Variants in PRKG1 observed in about 807,000 individuals in gnomAD.
PRKG1 encodes the protein cGMP-dependent protein kinase 1.
In PRKG1, 35 loss-of-function variants were observed where a neutral mutation model predicts 88.1. The observed-to-expected ratio is 0.40, with a 90% CI of 0.30 to 0.53. The LOEUF (loss-of-function observed/expected upper bound fraction) is 0.53, where lower values mean the gene tolerates loss of function less well. Among genes scored for constraint, PRKG1 ranks in the 20% least tolerant of loss-of-function variants. PRKG1 has a pLI of 0.59. For missense variants in PRKG1, 540 were observed against 839.8 expected (o/e 0.64, Z 4.41); for synonymous variants, 303 against 292.5 (o/e 1.04, Z -0.37).
intron 5 of PRKG1, among the ~76,000 whole-genome samples, chr10:52,028,277 C>T (rs995220159): frequency 6.6e-6 from 1 of 152,146 alleles, no homozygotes; most frequent in African/African-American, 2.4e-5. Context: ...ATGTGTACAG[C>T]TCCTATCTGC....
chr10:52,139,422 A>G (rs1400110117), intron 8 of PRKG1, among the ~76,000 whole-genome samples: 1 of 151,772 alleles, frequency 6.6e-6, no homozygotes, highest in Non-Finnish European at 1.5e-5. Flanking sequence ...TCTCTATCTC[A>G]ATCTCCTCCC....
In PRKG1 at chr10:51,173,841, A is replaced by T. The variant is rs891891598; in HGVS notation, c.478+20511A>T. Among the ~76,000 whole-genome samples, 17 of 152,060 alleles carry T rather than the reference A, an allele frequency of 1.1e-4. No homozygotes were observed. The East Asian group carries it at 3.1e-3, about 28-fold the overall frequency. On this transcript the variant is annotated intron_variant, in intron 2 of 17. Coordinates refer to ENST00000373980, the MANE Select transcript of PRKG1 (RefSeq NM_006258.4). ...CAGGCTGTATGTCATAAAAAATTTG[A>T]AAGAACTGGATTTCATAAAACCTTT...
intron 3 of PRKG1, among the ~76,000 whole-genome samples, chr10:51,737,315 A>G (rs1230742351): frequency 2.6e-5 from 4 of 152,188 alleles, no homozygotes; most frequent in Non-Finnish European, 4.4e-5. Context: ...CTTACCGTTC[A>G]TGGTATGATT....
intron 1 of PRKG1, among the ~76,000 whole-genome samples, chr10:51,138,982 A>C (rs906129267): frequency 6.6e-6 from 1 of 152,028 alleles, no homozygotes; most frequent in East Asian, 1.9e-4. Context: ...CCGCCCGGCC[A>C]CATTTTTTGA....
intron 12 of PRKG1, among the ~76,000 whole-genome samples, chr10:52,273,648 C>G (rs1841791877): frequency 6.6e-6 from 1 of 151,908 alleles, no homozygotes; most frequent in Non-Finnish European, 1.5e-5. Flanking sequence ...TTCTTGTTAC[C>G]ACATTGTATC....
At chr10:51,366,699 CAT>C (rs1175465373) in intron 2 of PRKG1, among the ~76,000 whole-genome samples, 3 of 151,870 alleles carry the variant, frequency 2.0e-5, no homozygotes, top group African/African-American at 7.2e-5. Context: ...GTTATACATC[CAT>C]ATATATCCTT....
intron 3 of PRKG1, among the ~76,000 whole-genome samples, chr10:51,770,061 T>G: frequency 6.6e-6 from 1 of 152,174 alleles, no homozygotes; most frequent in East Asian, 1.9e-4. Context: ...AAATGCCTCT[T>G]AAAATATCAC....
At chr10:51,422,919 T>G (rs1054849882) in intron 2 of PRKG1, among the ~76,000 whole-genome samples, 1 of 151,992 alleles carries the variant, frequency 6.6e-6, no homozygotes, top group Non-Finnish European at 1.5e-5. Context: ...AGAGTGAAGA[T>G]GTTTTTACAA....
rs184971714 is a variant in PRKG1, at chr10:52,060,866, T to C, written c.841-1671T>C. ...AGAATGTTCACAGTAACACAGTTAATAGCACCATAAAAACAAAGTATAACA... is the reference window on the plus strand; with the variant it reads ...AGAATGTTCACAGTAACACAGTTAACAGCACCATAAAAACAAAGTATAACA... On this transcript the variant is annotated intron_variant, in intron 6 of 17. Coordinates refer to ENST00000373980, the MANE Select transcript of PRKG1 (RefSeq NM_006258.4). 2.3e-3 allele frequency among the ~76,000 whole-genome samples: 357 copies of C among 152,050 alleles called. 3 individuals are homozygous for C. Among genetic ancestry groups the C allele is most frequent in the Middle Eastern group, 0.017 (5 of 294 alleles).
chr10:51,967,665 T>C (rs947914151), intron 5 of PRKG1, among the ~76,000 whole-genome samples: 9 of 152,176 alleles, frequency 5.9e-5, no homozygotes, highest in Non-Finnish European at 1.0e-4. Context: ...TATTGTTGAC[T>C]TCACAGCCTT....
chr10:51,261,259 A>G (rs1008619694), intron 2 of PRKG1, among the ~76,000 whole-genome samples: 1 of 152,206 alleles, frequency 6.6e-6, no homozygotes. Flanking sequence ...CTTTTGTTAC[A>G]TTTGGAAAAT....
chr10:51,965,778 C>G (rs1843553410), intron 5 of PRKG1, among the ~76,000 whole-genome samples: 1 of 152,092 alleles, frequency 6.6e-6, no homozygotes, highest in Non-Finnish European at 1.5e-5. Context: ...GCAGTCTGTT[C>G]TTATCTATTC....
chr10:52,078,499 C>G (rs950748142), intron 7 of PRKG1, among the ~76,000 whole-genome samples: 2 of 152,182 alleles, frequency 1.3e-5, no homozygotes, highest in African/African-American at 4.8e-5. Flanking sequence ...CATGTGTACA[C>G]TATTCCATAC....
intron 7 of PRKG1, among the ~76,000 whole-genome samples, chr10:52,070,085 T>C (rs1846458961): frequency 6.6e-6 from 1 of 152,222 alleles, no homozygotes; most frequent in Non-Finnish European, 1.5e-5. Context: ...TAGGTAGTTT[T>C]CTACTGGTCC....
intron 5 of PRKG1, among the ~76,000 whole-genome samples, chr10:51,944,133 C>T (rs1056198182): frequency 1.3e-5 from 2 of 151,970 alleles, no homozygotes; most frequent in African/African-American, 4.8e-5. Flanking sequence ...AATTTCAGCT[C>T]CTGTTATTGG....
chr10:51,806,028 G>T (rs1000088240), intron 4 of PRKG1, among the ~76,000 whole-genome samples: 2 of 152,082 alleles, frequency 1.3e-5, no homozygotes, highest in Non-Finnish European at 2.9e-5. Context: ...ATATGTATGT[G>T]TTGATATATA....
At position 52,111,038 on chromosome 10, in the gene PRKG1, C is replaced by T. The variant is rs554405123; in HGVS notation, c.936-22802C>T. On this transcript the variant is annotated intron_variant, in intron 7 of 17. Coordinates refer to ENST00000373980, the MANE Select transcript of PRKG1 (RefSeq NM_006258.4). Reference sequence around the variant, plus strand: ...GATTATCTCATTGAATCTTATCTCTCTACAATGTAGAAATTATAGTCCCAT... The same window carrying T: ...GATTATCTCATTGAATCTTATCTCTTTACAATGTAGAAATTATAGTCCCAT... Among the ~76,000 whole-genome samples the T allele has an allele frequency of 4.6e-5, 7 of 152,268 alleles. No homozygotes were observed. In the South Asian group the frequency reaches 1.2e-3, roughly 27 times the overall value.
intron 2 of PRKG1, among the ~76,000 whole-genome samples, chr10:51,437,009 G>A (rs1477294549): frequency 6.6e-6 from 1 of 151,950 alleles, no homozygotes; most frequent in African/African-American, 2.4e-5. Context: ...TGCCATAATT[G>A]CCTTTCATCT....
chr10:51,820,593 C>T (rs1172124633), intron 4 of PRKG1, among the ~76,000 whole-genome samples: 2 of 152,138 alleles, frequency 1.3e-5, no homozygotes, highest in South Asian at 2.1e-4. Context: ...CACCTTCACA[C>T]ATACCCTTGC....
Sources: gnomAD v4.1 joint callset for allele counts (sites outside exome capture counted in the v4.1 genomes callset) on GRCh38, gnomAD v4.1.1 for gene constraint, MANE v1.5 for transcripts, NCBI Gene and HGNC (gene_info 2026-07-23, HGNC 2026-07-21) for gene names.